The following CCNY variants were observed in gnomAD, a reference collection of about 807,000 sequenced individuals.
CCNY encodes cyclin-Y.
A neutral mutation model predicts 42.8 loss-of-function variants in CCNY; 19 were observed. The ratio of observed to expected loss-of-function variants is 0.44; its 90% CI spans 0.31 to 0.65. The LOEUF (loss-of-function observed/expected upper bound fraction) is 0.65, where lower values mean the gene tolerates loss of function less well. Ranked by LOEUF, CCNY falls within the 30% of genes least tolerant of loss-of-function variation. The pLI, the probability that CCNY is intolerant of heterozygous loss-of-function variation, is 0.07. For missense variants in CCNY, 370 were observed against 437.3 expected, an observed-to-expected ratio of 0.85 and a Z score of 1.37; for synonymous variants, 165 against 162.7, an observed-to-expected ratio of 1.01 and a Z score of -0.11.
At chr10:35,401,453 C>A (rs147672438) in intron 1 of CCNY, among the ~76,000 whole-genome samples, 1,791 of 152,124 alleles carry the variant, frequency 0.012, 42 homozygotes, top group African/African-American at 0.041. Context: ...ACAGCTATAA[C>A]AAAAATTTAT....
chr10:35,247,987 C>T (rs749078403), intron 1 of CCNY: 3 of 151,552 alleles, frequency 2.0e-5, no homozygotes, highest in Non-Finnish European at 2.9e-5. Context: ...GTGAATAATC[C>T]GAATGGCAGA....
chr10:35,295,591 C>T (rs564799404), intron 3 of CCNY, among the ~76,000 whole-genome samples: 1 of 152,090 alleles, frequency 6.6e-6, no homozygotes, highest in Non-Finnish European at 1.5e-5. Flanking sequence ...TTTACCCTAC[C>T]CCAGCCCCTG....
At chr10:35,297,148 C>T (rs1231397675) in intron 3 of CCNY, among the ~76,000 whole-genome samples, 1 of 147,422 alleles carries the variant, frequency 6.8e-6, no homozygotes, top group African/African-American at 2.5e-5. Flanking sequence ...TAGTTCAATA[C>T]ACAAATAAAA....
At chr10:35,474,207 C>T (rs1002512083) in intron 1 of CCNY, among the ~76,000 whole-genome samples, 15 of 152,242 alleles carry the variant, frequency 9.9e-5, no homozygotes, top group Admixed American at 3.3e-4. Context: ...AAGGCGGCAG[C>T]GAGGCTTGGG....
At chr10:35,511,682 T>A (rs1840327679) in intron 3 of CCNY, among the ~76,000 whole-genome samples, 1 of 152,224 alleles carries the variant, frequency 6.6e-6, no homozygotes, top group Non-Finnish European at 1.5e-5. Context: ...TACCCTGCAG[T>A]GCAGGGCTCT....
At chr10:35,368,367 G>A (rs1836854918) in intron 1 of CCNY, among the ~76,000 whole-genome samples, 1 of 152,136 alleles carries the variant, frequency 6.6e-6, no homozygotes, top group Non-Finnish European at 1.5e-5. Flanking sequence ...TTTCTAATTT[G>A]CAGAGGGAAA....
intron 1 of CCNY, 127 bp downstream of exon 1, chr10:35,337,334 C>T (rs868807946): frequency 1.6e-4 from 160 of 1,009,792 alleles, no homozygotes; most frequent in Non-Finnish European, 2.1e-4. Flanking sequence ...CGGGGCTTCG[C>T]CCGCGCAGCC....
intron 3 of CCNY, among the ~76,000 whole-genome samples, chr10:35,269,623 T>TG: frequency 1.4e-5 from 2 of 138,512 alleles, no homozygotes; most frequent in South Asian, 4.6e-4. Context: ...CACTCTTTTT[T>TG]TTTTTTTGTT....
chr10:35,552,182 T>C (rs1365592724), intron 7 of CCNY, among the ~76,000 whole-genome samples: 1 of 152,210 alleles, frequency 6.6e-6, no homozygotes, highest in African/African-American at 2.4e-5. Flanking sequence ...CTGAATATTA[T>C]TCAGCCTTAA....
chr10:35,263,442 G>A (rs968231956), intron 3 of CCNY, among the ~76,000 whole-genome samples: 1 of 151,494 alleles, frequency 6.6e-6, no homozygotes, highest in South Asian at 2.1e-4. Flanking sequence ...TCGGGAGGCT[G>A]AGGTAGGAGG....
chr10:35,565,388 C>T (rs77889172), intron 8 of CCNY, among the ~76,000 whole-genome samples: 2,016 of 152,228 alleles, frequency 0.013, 35 homozygotes, highest in East Asian at 0.051. Flanking sequence ...GGTGGAGCCC[C>T]CTGTCTGTTC....
intron 1 of CCNY, among the ~76,000 whole-genome samples, chr10:35,477,036 G>C (rs1175460576): frequency 6.6e-6 from 1 of 152,172 alleles, no homozygotes; most frequent in Non-Finnish European, 1.5e-5. Context: ...AGAAAATCTA[G>C]AAGAAATGGA....
At chr10:35,345,992 A>G (rs1836293884) in intron 1 of CCNY, among the ~76,000 whole-genome samples, 2 of 152,202 alleles carry the variant, frequency 1.3e-5, no homozygotes, top group African/African-American at 2.4e-5. Context: ...CCCCGGAACC[A>G]CATTCCTAGG....
chr10:35,298,678 G>A (rs762849646), intron 3 of CCNY, among the ~76,000 whole-genome samples: 4 of 152,044 alleles, frequency 2.6e-5, no homozygotes, highest in Admixed American at 6.6e-5. Context: ...CACCACGTCT[G>A]GCTAATTTTT....
chr10:35,274,881 G>A (rs1211115226), intron 3 of CCNY, among the ~76,000 whole-genome samples: 1 of 152,044 alleles, frequency 6.6e-6, no homozygotes, highest in Non-Finnish European at 1.5e-5. Context: ...TGCTGGGGCT[G>A]CCCCTTAGTT....
chr10:35,563,154 GTTTGGAAATTCAAGT>G (rs1344259554), intron 8 of CCNY, among the ~76,000 whole-genome samples: 1 of 152,062 alleles, frequency 6.6e-6, no homozygotes, highest in African/African-American at 2.4e-5. Context: ...TGCTGCTGCA[GTTTGGAAATTCAAGT>G]TTTGGAAATT....
At chr10:35,558,094 G>A (rs1393877094) in intron 8 of CCNY, among the ~76,000 whole-genome samples, 2 of 152,194 alleles carry the variant, frequency 1.3e-5, no homozygotes, top group African/African-American at 4.8e-5. Context: ...ACCAACCCCT[G>A]CTTCAGTTTG....
At chr10:35,535,394 C>G (rs1342388209) in intron 7 of CCNY, among the ~76,000 whole-genome samples, 1 of 152,006 alleles carries the variant, frequency 6.6e-6, no homozygotes, top group Admixed American at 6.6e-5. Context: ...GTGAGTTTGC[C>G]CACATCCTGC....
intron 1 of CCNY, among the ~76,000 whole-genome samples, chr10:35,349,012 A>G (rs1836369567): frequency 6.6e-6 from 1 of 151,958 alleles, no homozygotes; most frequent in Non-Finnish European, 1.5e-5. Flanking sequence ...TTCCATGTGA[A>G]TTTTTTCCAA....
Sources: gnomAD v4.1 joint callset for allele counts (sites outside exome capture counted in the v4.1 genomes callset) on GRCh38, gnomAD v4.1.1 for gene constraint, MANE v1.5 for transcripts, NCBI Gene and HGNC (gene_info 2026-07-23, HGNC 2026-07-21) for gene names.